ZNHIT6: variants seen among roughly 807,000 people sequenced by gnomAD.
ZNHIT6 encodes box C/D snoRNA protein 1.
A neutral mutation model predicts 57.2 loss-of-function variants in ZNHIT6; 45 were observed. That is an observed-to-expected ratio of 0.79 (90% CI 0.62 to 1.01). The LOEUF is 1.01. ZNHIT6 is among the 50% of genes least tolerant of loss of function. The pLI, the probability that ZNHIT6 is intolerant of heterozygous loss-of-function variation, is 0.00. For missense variants in ZNHIT6, 528 were observed against 567.3 expected, an observed-to-expected ratio of 0.93 and a Z score of 0.70; for synonymous variants, 188 against 190.0, an observed-to-expected ratio of 0.99 and a Z score of 0.09.
At chr1:85,701,560 C>A (rs1662529156) in intron 5 of ZNHIT6, among the ~76,000 whole-genome samples, 1 of 152,116 alleles carries the variant, frequency 6.6e-6, no homozygotes, top group Non-Finnish European at 1.5e-5. Context: ...GTTCAAAGTC[C>A]CCTTCTTCTA....
At chr1:85,663,467 C>G (rs954211944) in intron 8 of ZNHIT6, among the ~76,000 whole-genome samples, 2 of 152,170 alleles carry the variant, frequency 1.3e-5, no homozygotes, top group African/African-American at 2.4e-5. Context: ...AGAATTAATG[C>G]ATGTGAAAAT....
At chr1:85,672,046 T>C (rs995160558) in intron 8 of ZNHIT6, among the ~76,000 whole-genome samples, 2 of 152,196 alleles carry the variant, frequency 1.3e-5, no homozygotes, top group African/African-American at 4.8e-5. Flanking sequence ...AATATTACTA[T>C]TTTTTACTAG....
intron 5 of ZNHIT6, among the ~76,000 whole-genome samples, chr1:85,700,270 T>C (rs1236983681): frequency 2.6e-5 from 4 of 152,214 alleles, no homozygotes; most frequent in East Asian, 3.8e-4. Flanking sequence ...GCCACAACTC[T>C]ACAAGGTAGC....
At chr1:85,688,041 C>CAA (rs756438399) in intron 5 of ZNHIT6, among the ~76,000 whole-genome samples, 4 of 58,210 alleles carry the variant, frequency 6.9e-5, no homozygotes, top group Non-Finnish European at 1.4e-4. Context: ...GACTCCGTCT[C>CAA]AAAAAAAAAA....
In ZNHIT6 at chr1:85,654,059, C is replaced by T; in HGVS notation, c.1412G>A (p.Ter471=). Residue 471 remains the stop codon, a stop_retained_variant, in exon 10 of 10, where the codon TGA becomes TAA. Coordinates refer to ENST00000370574, the MANE Select transcript of ZNHIT6 (RefSeq NM_017953.4). ...ESTKNVGNEN[*] Reference sequence around the variant, plus strand: ...ACTTTCTTCTTCCAGAAAAAATGCTCAATTTTCATTGCCAACGTTCTTGGT... The same window carrying T: ...ACTTTCTTCTTCCAGAAAAAATGCTTAATTTTCATTGCCAACGTTCTTGGT... The T allele has an allele frequency of 6.2e-6, 10 of 1,612,008 alleles. No individual in the cohort carries two copies. Among genetic ancestry groups the T allele is most frequent in the Non-Finnish European group, 8.5e-6 (10 of 1,179,052 alleles).
At chr1:85,707,130 A>G (rs749991421) in intron 1 of ZNHIT6, among the ~76,000 whole-genome samples, 14 of 152,214 alleles carry the variant, frequency 9.2e-5, no homozygotes, top group Non-Finnish European at 1.5e-5. Context: ...GACTACTCTT[A>G]TTTCCTTTGT....
intron 5 of ZNHIT6, 98 bp from the exon 6 acceptor site, chr1:85,681,002 T>C: frequency 1.3e-6 from 1 of 797,888 alleles, no homozygotes; most frequent in Non-Finnish European, 2.0e-6. Flanking sequence ...AATTCCAAAA[T>C]TATTCTTAGA....
chr1:85,677,217 G>C lies in ZNHIT6; in HGVS notation c.1247+19C>G, dbSNP rs1661726963. The C allele has an allele frequency of 5.8e-6, 9 of 1,561,542 alleles. No homozygotes were observed. In the East Asian group the frequency reaches 2.1e-4, roughly 36 times the overall value. On this transcript the variant is annotated intron_variant, in intron 8 of 9. Transcript: ENST00000370574. ...GAACTAAAAAATATTTAAAGAAATG[G>C]GGAGGGGAGCAATTTTACCTTACTA... is the stretch of plus-strand genomic sequence containing the variant.
chr1:85,693,795 A>G (rs1662283850), intron 5 of ZNHIT6, among the ~76,000 whole-genome samples: 2 of 152,164 alleles, frequency 1.3e-5, no homozygotes, highest in Non-Finnish European at 1.5e-5. Flanking sequence ...ATAAATGTCA[A>G]CTTAAGATAT....
At chr1:85,678,647 A>T in intron 7 of ZNHIT6, 54 bp downstream of exon 7, 1 of 1,182,310 alleles carries the variant, frequency 8.5e-7, no homozygotes, top group Non-Finnish European at 1.2e-6. Context: ...GACCCTAATA[A>T]GTACATCAAC....
rs775676568 is a variant in ZNHIT6 at position 85,680,831 on chromosome 1, G to A, written c.1088+5C>T. 1 of 1,606,290 alleles carries A rather than the reference G, an allele frequency of 6.2e-7. No individual in the cohort carries two copies. Among genetic ancestry groups the A allele is most frequent in the Admixed American group, 1.7e-5 (1 of 59,434 alleles). On this transcript the variant is annotated splice_donor_5th_base_variant and intron_variant, in intron 6 of 9. Coordinates refer to ENST00000370574, the MANE Select transcript of ZNHIT6 (RefSeq NM_017953.4). Reference sequence around the variant, plus strand: ...AAATCAGTGATTGAAAGATAGCAGTGATACCTTTTTTCTATGTACTCAGCT... The same window carrying A: ...AAATCAGTGATTGAAAGATAGCAGTAATACCTTTTTTCTATGTACTCAGCT...
chr1:85,696,531 C>T (rs1398156686), intron 5 of ZNHIT6, among the ~76,000 whole-genome samples: 2 of 152,060 alleles, frequency 1.3e-5, no homozygotes, highest in African/African-American at 4.8e-5. Context: ...TTTTACACTA[C>T]TAAAAACAAT....
At chr1:85,664,953 T>C (rs1042959194) in intron 8 of ZNHIT6, among the ~76,000 whole-genome samples, 5 of 152,116 alleles carry the variant, frequency 3.3e-5, no homozygotes, top group Non-Finnish European at 7.4e-5. Flanking sequence ...TGCCTCAGCC[T>C]CCCGAGTAGC....
At position 85,651,955 on chromosome 1, in the gene ZNHIT6, T is replaced by C. The variant is rs1037930124; in HGVS notation, c.*2103A>G. 4 of 152,224 alleles carry C rather than the reference T, an allele frequency of 2.6e-5. No individual in the cohort carries two copies. Among genetic ancestry groups the C allele is most frequent in the African/African-American group, 4.8e-5 (2 of 41,468 alleles). The allele number at this position is 152,224 out of a possible 1,614,324, so 9.4% of individuals were successfully genotyped here. A position where few individuals can be genotyped will look rare whatever the true frequency, so the allele number is the denominator to read the frequency against. On this transcript the variant is annotated 3_prime_UTR_variant, in exon 10 of 10. Coordinates refer to ENST00000370574, the MANE Select transcript of ZNHIT6 (RefSeq NM_017953.4). ...TATTAATCAAATGAGTTGATAATTA[T>C]ATTTAGGGGAATTCTAAGAGTTATA...
chr1:85,690,442 C>G (rs76778026), intron 5 of ZNHIT6, among the ~76,000 whole-genome samples: 9,542 of 152,258 alleles, frequency 0.063, 392 homozygotes, highest in African/African-American at 0.12. Flanking sequence ...AACTATTTCT[C>G]ATCCTTAAAA....
intron 5 of ZNHIT6, among the ~76,000 whole-genome samples, chr1:85,691,860 G>T (rs1662230772): frequency 6.6e-6 from 1 of 152,128 alleles, no homozygotes; most frequent in Non-Finnish European, 1.5e-5. Flanking sequence ...ACTACAGCCT[G>T]GGTGACAGAG....
intron 9 of ZNHIT6, among the ~76,000 whole-genome samples, chr1:85,657,454 T>C (rs1363687021): frequency 6.0e-5 from 9 of 151,094 alleles, no homozygotes; most frequent in South Asian, 2.1e-4. Flanking sequence ...ATTTTCATTG[T>C]CAACTAAAAA....
intron 9 of ZNHIT6, among the ~76,000 whole-genome samples, chr1:85,656,125 C>G (rs1315706643): frequency 1.3e-5 from 2 of 151,966 alleles, no homozygotes; most frequent in Non-Finnish European, 2.9e-5. Flanking sequence ...ATATCTGATG[C>G]TGTGAGAATG....
intron 5 of ZNHIT6, among the ~76,000 whole-genome samples, chr1:85,689,679 T>C (rs967649393): frequency 1.3e-5 from 2 of 152,116 alleles, no homozygotes; most frequent in Non-Finnish European, 2.9e-5. Flanking sequence ...CTTCCAAAAA[T>C]TGATGAATAC....
Sources: allele counts gnomAD v4.1 joint callset (sites outside exome capture counted in the v4.1 genomes callset), GRCh38; gene constraint gnomAD v4.1.1; transcripts MANE v1.5; gene names NCBI Gene and HGNC (gene_info 2026-07-23, HGNC 2026-07-21).